The following CCDC178 variants were observed in gnomAD, a reference collection of about 807,000 sequenced individuals.
The protein encoded by CCDC178 is coiled-coil domain containing 178.
Under a neutral mutation model 117.4 loss-of-function variants are expected in CCDC178, and 126 were observed. The ratio of observed to expected loss-of-function variants is 1.07; its 90% CI spans 0.93 to 1.24. The LOEUF (loss-of-function observed/expected upper bound fraction) is 1.24, where lower values mean the gene tolerates loss of function less well. Among genes scored for constraint, CCDC178 ranks in the 50% most tolerant of loss-of-function variants. CCDC178 has a pLI of 0.00. For missense variants in CCDC178, 1,030 were observed against 986.9 expected, an observed-to-expected ratio of 1.04 and a Z score of -0.59; for synonymous variants, 283 against 313.4, an observed-to-expected ratio of 0.90 and a Z score of 1.02.
chr18:33,351,579 G>A (rs2144697576), intron 7 of CCDC178, among the ~76,000 whole-genome samples: 1 of 152,066 alleles, frequency 6.6e-6, no homozygotes, highest in Middle Eastern at 3.4e-3. Flanking sequence ...GTTTTGTTTT[G>A]TTGCCCAGGC....
chr18:33,239,503 T>TAA (rs201337183), intron 15 of CCDC178, among the ~76,000 whole-genome samples: 5 of 135,434 alleles, frequency 3.7e-5, no homozygotes, highest in South Asian at 2.4e-4. Context: ...GTGACGTGGT[T>TAA]AAAAAAAAAA....
In CCDC178 at chr18:33,435,086, T is replaced by A. The variant is rs764080844; in HGVS notation, c.-23+4876A>T. ...TTGTTGAACTATGAATGAGGGACCG[T>A]CTGCAGAATTTTAGTTTAAAATGGT... On this transcript the variant is annotated intron_variant, in intron 2 of 22. Transcript: ENST00000383096. Among the ~76,000 whole-genome samples, 20 of 152,252 alleles carry A rather than the reference T, an allele frequency of 1.3e-4. No individual in the cohort carries two copies. In the South Asian group the frequency reaches 3.9e-3, roughly 30 times the overall value.
intron 9 of CCDC178, among the ~76,000 whole-genome samples, chr18:33,336,781 A>C (rs113587749): frequency 6.7e-6 from 1 of 150,228 alleles, no homozygotes; most frequent in African/African-American, 2.4e-5. Flanking sequence ...TTAAACATTA[A>C]AAAAATGTTT....
rs144277521 is a variant in CCDC178 at position 33,385,082 on chromosome 18, T to C, written c.208+4458A>G. On this transcript the variant is annotated intron_variant, in intron 5 of 22. Coordinates refer to ENST00000383096, the MANE Select transcript of CCDC178 (RefSeq NM_001105528.4). ...GTTGCAATTGTAGTTTCTGAAAAAATAGACTTTAAATCAACAAAGGTCAAA... is the reference window on the plus strand; with the variant it reads ...GTTGCAATTGTAGTTTCTGAAAAAACAGACTTTAAATCAACAAAGGTCAAA... Among the ~76,000 whole-genome samples, 52 of 152,082 alleles carry C rather than the reference T, an allele frequency of 3.4e-4. 1 individual carries two copies. The East Asian group carries it at 8.1e-3, about 24-fold the overall frequency.
intron 20 of CCDC178, among the ~76,000 whole-genome samples, chr18:33,102,159 T>A (rs1052410034): frequency 5.9e-5 from 9 of 151,798 alleles, no homozygotes; most frequent in Non-Finnish European, 7.4e-5. Context: ...TTTAAAAAAA[T>A]TTTTCTACAT....
At chr18:33,234,705 A>C (rs886777771) in intron 15 of CCDC178, among the ~76,000 whole-genome samples, 3 of 152,252 alleles carry the variant, frequency 2.0e-5, no homozygotes, top group Admixed American at 6.5e-5. Flanking sequence ...TGAAAAACCA[A>C]GAAGCAATGG....
At chr18:33,090,880 C>T (rs1339549131) in intron 21 of CCDC178, among the ~76,000 whole-genome samples, 2 of 152,164 alleles carry the variant, frequency 1.3e-5, no homozygotes, top group Non-Finnish European at 2.9e-5. Context: ...GTCCTTGTAT[C>T]TTGCATCAAG....
At chr18:33,288,278 C>T (rs1227696861) in intron 12 of CCDC178, among the ~76,000 whole-genome samples, 20 of 110,742 alleles carry the variant, frequency 1.8e-4, no homozygotes, top group Non-Finnish European at 3.4e-4. Context: ...CTCTCCCTTC[C>T]TCTCCCCTCC....
intron 12 of CCDC178, among the ~76,000 whole-genome samples, chr18:33,292,244 A>T (rs1013504899): frequency 6.6e-6 from 1 of 152,226 alleles, no homozygotes; most frequent in African/African-American, 2.4e-5. Flanking sequence ...TTCAGCAATA[A>T]AAAGGAATGA....
intron 14 of CCDC178, among the ~76,000 whole-genome samples, chr18:33,263,600 A>T (rs188843536): frequency 3.3e-5 from 5 of 152,284 alleles, no homozygotes; most frequent in Admixed American, 3.3e-4. Flanking sequence ...ATGAATTGAA[A>T]CAATGTTAGG....
intron 14 of CCDC178, among the ~76,000 whole-genome samples, chr18:33,261,079 T>TCTG (rs79663322): frequency 1.9e-4 from 12 of 62,296 alleles, no homozygotes; most frequent in Admixed American, 4.1e-4. Context: ...GGTTTTTTTT[T>TCTG]TCTGTTTGTT....
intron 20 of CCDC178, among the ~76,000 whole-genome samples, chr18:33,167,517 T>G (rs1033214467): frequency 4.6e-5 from 7 of 152,138 alleles, no homozygotes; most frequent in Non-Finnish European, 5.9e-5. Context: ...TGACTAGTGA[T>G]GTTGTGCATT....
intron 21 of CCDC178, among the ~76,000 whole-genome samples, chr18:33,058,759 A>T (rs1271457892): frequency 6.6e-6 from 1 of 152,102 alleles, no homozygotes; most frequent in Non-Finnish European, 1.5e-5. Flanking sequence ...AAGGTTTAAC[A>T]ATTTGGAAAC....
At chr18:33,312,043 C>A (rs1432341523) in intron 11 of CCDC178, among the ~76,000 whole-genome samples, 3 of 152,132 alleles carry the variant, frequency 2.0e-5, no homozygotes, top group Admixed American at 6.5e-5. Flanking sequence ...AAGCCCCATG[C>A]AATATCCCTA....
intron 6 of CCDC178, among the ~76,000 whole-genome samples, chr18:33,361,978 C>G (rs1009880595): frequency 2.0e-5 from 3 of 151,544 alleles, no homozygotes; most frequent in African/African-American, 7.3e-5. Context: ...ATGAAAGCAC[C>G]AGCTCGTAAA....
chr18:33,191,444 G>T (rs961398887), intron 20 of CCDC178, among the ~76,000 whole-genome samples: 7 of 151,936 alleles, frequency 4.6e-5, no homozygotes, highest in Non-Finnish European at 1.0e-4. Context: ...TATTTTCAAG[G>T]ATTATAAGAA....
intron 5 of CCDC178, among the ~76,000 whole-genome samples, chr18:33,373,342 C>T (rs1322744960): frequency 1.3e-5 from 2 of 152,076 alleles, no homozygotes; most frequent in African/African-American, 4.8e-5. Flanking sequence ...CCATTTTCTT[C>T]TCTTCAAAAT....
chr18:33,102,780 T>G (rs1452172670), intron 20 of CCDC178, among the ~76,000 whole-genome samples: 3 of 151,852 alleles, frequency 2.0e-5, no homozygotes, highest in Non-Finnish European at 1.5e-5. Flanking sequence ...AATCTTGGTA[T>G]AGGGGAAAAT....
chr18:33,427,517 A>G (rs2144955722), intron 2 of CCDC178, among the ~76,000 whole-genome samples: 1 of 152,292 alleles, frequency 6.6e-6, no homozygotes, highest in South Asian at 2.1e-4. Flanking sequence ...CTCTGTAACT[A>G]TGATTCCTAA....
Sources: allele counts gnomAD v4.1 joint callset (sites outside exome capture counted in the v4.1 genomes callset), GRCh38; gene constraint gnomAD v4.1.1; transcripts MANE v1.5; gene names NCBI Gene and HGNC (gene_info 2026-07-23, HGNC 2026-07-21).